The following XKR8 variants were observed in gnomAD, a reference collection of about 807,000 sequenced individuals.
The protein encoded by XKR8 is XK-related protein 8.
In XKR8, 10 loss-of-function variants were observed where a neutral mutation model predicts 17.1. The observed-to-expected ratio is 0.59, with a 90% CI of 0.36 to 0.99. The LOEUF (loss-of-function observed/expected upper bound fraction) is 0.99. Among genes scored for constraint, XKR8 ranks in the 50% least tolerant of loss-of-function variants. The probability of loss-of-function intolerance (pLI) is 0.01; values close to 1 mark genes in which losing one functional copy is unlikely to be tolerated. For missense variants in XKR8, 411 were observed against 515.6 expected, an observed-to-expected ratio of 0.80 and a Z score of 1.96; for synonymous variants, 213 against 251.9, an observed-to-expected ratio of 0.85 and a Z score of 1.46.
intron 2 of XKR8, 109 bp downstream of exon 2, chr1:27,963,802 C>A: frequency 8.4e-7 from 1 of 1,185,990 alleles, no homozygotes; most frequent in Non-Finnish European, 1.2e-6. Context: ...AACAGGAGAA[C>A]AGGCTTTAGT....
intron 1 of XKR8, 117 bp from the exon 2 acceptor site, chr1:27,963,380 A>G (rs1571673728): frequency 7.9e-7 from 1 of 1,272,524 alleles, no homozygotes; most frequent in African/African-American, 1.5e-5. Context: ...CGAAGGCCCC[A>G]TAGCATGGAT....
At chr1:27,963,762 T>C (rs1234656331) in intron 2 of XKR8, 69 bp downstream of exon 2, 2 of 1,400,310 alleles carry the variant, frequency 1.4e-6, no homozygotes. Flanking sequence ...GTTGGAACTG[T>C]TTTTAGTCTT....
In XKR8 at chr1:27,967,059, C is replaced by T. The variant is rs530719978; in HGVS notation, c.1047C>T (p.Pro349=). 5.0e-6 allele frequency: 8 copies of T among 1,613,948 alleles called. No individual in the cohort carries two copies. In the East Asian group the frequency reaches 6.7e-5, roughly 13 times the overall value. ...TGCACCCTAGCTGCTGCTGGAAGCCCGACCCTGACCAGGTAGACGGGGCCC... is the reference window on the plus strand; with the variant it reads ...TGCACCCTAGCTGCTGCTGGAAGCCTGACCCTGACCAGGTAGACGGGGCCC... The part of the protein sequence containing the change: ...HWLHPSCCWK[P]DPDQVDGARS... The change falls in exon 3 of 3, where the codon CCC becomes CCT. Residue 349 remains proline, a synonymous_variant. Transcript: ENST00000373884. The surrounding 1 kb of genome is among the most constrained non-coding windows in gnomAD (Gnocchi z 4.3).
In XKR8 at chr1:27,960,247, C is replaced by CTG; in HGVS notation, c.179_180dup (p.Gln61CysfsTer142). 1 of 1,525,370 alleles carries CTG rather than the reference C, an allele frequency of 6.6e-7. No individual in the cohort carries two copies. Among genetic ancestry groups the CTG allele is most frequent in the Non-Finnish European group, 8.7e-7 (1 of 1,143,148 alleles). 94.5% of individuals were successfully genotyped at this position (1,525,370 alleles called of 1,614,324 possible). On this transcript the variant is annotated frameshift_variant, in exon 1 of 3. Transcript: ENST00000373884. LOFTEE classifies it high-confidence loss of function. This position sits in a 1 kb window ranked among gnomAD's most constrained non-coding sequence, Gnocchi z 5.9. ...GCTGCTGGGCCTGGCCTCCGTGGCG[C>CTG]TGCAGCTCTTCAGCTGGCTCTGGCT...
chr1:27,964,698 C>T (rs1638535115), intron 2 of XKR8, among the ~76,000 whole-genome samples: 1 of 152,100 alleles, frequency 6.6e-6, no homozygotes, highest in Admixed American at 6.6e-5. Context: ...ACAGGGCCCC[C>T]TAAGCATGGG....
At chr1:27,963,047 C>T (rs548027618) in intron 1 of XKR8, among the ~76,000 whole-genome samples, 4 of 151,566 alleles carry the variant, frequency 2.6e-5, no homozygotes, top group South Asian at 4.2e-4. Context: ...TTTTTTGAGA[C>T]GGAGTCTTGT....
At position 27,966,492 on chromosome 1, in the gene XKR8, AC is replaced by A. The variant is rs1377831319; in HGVS notation, c.491-10del. The A allele has an allele frequency of 6.2e-6, 10 of 1,602,578 alleles. No individual in the cohort carries two copies. The African/African-American group carries it at 1.4e-4, about 22-fold the overall frequency. The stretch of plus-strand genomic sequence containing the variant: ...GCCCCAGGACTCACTGTTCCCTCCT[AC>A]TCTTTGCAGGGGTTGGCATCTGCAC... On this transcript the variant is annotated splice_polypyrimidine_tract_variant and intron_variant, in intron 2 of 2. Coordinates refer to ENST00000373884, the MANE Select transcript of XKR8 (RefSeq NM_018053.4). The surrounding 1 kb of genome is among the most constrained non-coding windows in gnomAD (Gnocchi z 4.3).
Position 27,960,110 on chromosome 1 carries a change from T to G in XKR8, c.41T>G (p.Val14Gly). Reference sequence around the variant, plus strand: ...CGCGGCGCCCTCCTTCGGGACCTGGTCCTGGGCGTGCTGGGCACCGCCGCC... The same window carrying G: ...CGCGGCGCCCTCCTTCGGGACCTGGGCCTGGGCGTGCTGGGCACCGCCGCC... ...SSRGALLRDLVLGVLGTAAFL... is the reference protein window; with the variant it reads ...SSRGALLRDLGLGVLGTAAFL... Residue 14 changes from valine (V) to glycine (G), a missense_variant, in exon 1 of 3, where the codon GTC (valine) becomes GGC (glycine). By Grantham distance (109) the Val-to-Gly change is moderately radical. Transcript: ENST00000373884. This position sits in a 1 kb window ranked among gnomAD's most constrained non-coding sequence, Gnocchi z 5.9. 1 of 1,512,280 alleles carries G rather than the reference T, an allele frequency of 6.6e-7. No homozygotes were observed. The allele number at this position is 1,512,280 out of a possible 1,614,324, so 93.7% of individuals were successfully genotyped here.
chr1:27,966,681 C>T lies in XKR8; in HGVS notation c.669C>T (p.Ala223=). ...TCCTGGCTGTGGCCCTGTTCTCAGCCCTCTTCCCCAGCTATGTGGCCCTGC... is the reference window on the plus strand; with the variant it reads ...TCCTGGCTGTGGCCCTGTTCTCAGCTCTCTTCCCCAGCTATGTGGCCCTGC... ...PRVLAVALFS[A]LFPSYVALHF... The change falls in exon 3 of 3, where the codon GCC becomes GCT. Residue 223 remains alanine, a synonymous_variant. Transcript: ENST00000373884. The surrounding 1 kb of genome is among the most constrained non-coding windows in gnomAD (Gnocchi z 4.3). 4 of 1,614,134 alleles carry T rather than the reference C, an allele frequency of 2.5e-6. No individual in the cohort carries two copies. The highest frequency in any genetic ancestry group is 3.4e-6 in the Non-Finnish European group (4 of 1,180,022).
In XKR8 at chr1:27,966,562, G is replaced by C; in HGVS notation, c.550G>C (p.Ala184Pro). Residue 184 changes from alanine to proline, a missense_variant, in exon 3 of 3, where the codon GCC becomes CCC. Transcript: ENST00000373884. This position sits in a 1 kb window ranked among gnomAD's most constrained non-coding sequence, Gnocchi z 4.3. Reference protein sequence around the residue: ...ISWALLDYHRALRTCLPSKPL... With the variant: ...ISWALLDYHRPLRTCLPSKPL... The stretch of plus-strand genomic sequence containing the variant: ...GTGGGCACTGCTCGACTACCACCGG[G>C]CCTTGCGCACCTGCCTCCCCTCCAA... 6.2e-7 allele frequency: 1 copy of C among 1,614,028 alleles called. No homozygotes were observed. Among genetic ancestry groups the C allele is most frequent in the South Asian group, 1.1e-5 (1 of 91,068 alleles).
chr1:27,962,404 T>A (rs1638484588), intron 1 of XKR8, among the ~76,000 whole-genome samples: 1 of 151,984 alleles, frequency 6.6e-6, no homozygotes, highest in Admixed American at 6.6e-5. Flanking sequence ...CAAAAGCTCA[T>A]CTCTACAAAA....
At chr1:27,963,386 T>G in intron 1 of XKR8, 111 bp from the exon 2 acceptor site, 2 of 1,305,624 alleles carry the variant, frequency 1.5e-6, no homozygotes, top group Non-Finnish European at 2.1e-6. Context: ...CCCCATAGCA[T>G]GGATGTGAGG....
chr1:27,962,463 C>T (rs1303465177), intron 1 of XKR8, among the ~76,000 whole-genome samples: 1 of 152,094 alleles, frequency 6.6e-6, no homozygotes, highest in Non-Finnish European at 1.5e-5. Context: ...ATCCCAGCTA[C>T]TCTGGAGGCC....
At position 27,966,821 on chromosome 1, in the gene XKR8, A is replaced by C; in HGVS notation, c.809A>C (p.Tyr270Ser). The change falls in exon 3 of 3, where the codon TAT (tyrosine) becomes TCT (serine). Residue 270 changes from tyrosine (Y) to serine (S), a missense_variant. Coordinates refer to ENST00000373884, the MANE Select transcript of XKR8 (RefSeq NM_018053.4). This position sits in a 1 kb window ranked among gnomAD's most constrained non-coding sequence, Gnocchi z 4.3. The part of the protein sequence containing the change: ...LYRVTVATIL[Y>S]FSWFNVAEGR... ...CGGGTGACGGTGGCCACCATCCTCT[A>C]TTTCTCCTGGTTCAACGTGGCTGAG... The C allele has an allele frequency of 6.2e-7, 1 of 1,613,264 alleles. No individual in the cohort carries two copies. The highest frequency in any genetic ancestry group is 8.5e-7 in the Non-Finnish European group (1 of 1,179,808).
chr1:27,964,906 C>T (rs994042224), intron 2 of XKR8, among the ~76,000 whole-genome samples: 4 of 152,204 alleles, frequency 2.6e-5, no homozygotes, highest in African/African-American at 9.7e-5. Flanking sequence ...CCTCACTCTA[C>T]CGTCACTCGC....
Position 27,967,521 on chromosome 1 carries a change from T to G in XKR8, c.*321T>G. The G allele has an allele frequency of 1.0e-5, 2 of 199,790 alleles. No individual in the cohort carries two copies. Among genetic ancestry groups the G allele is most frequent in the Non-Finnish European group, 1.0e-5 (1 of 98,148 alleles). 12.4% of individuals were successfully genotyped at this position (199,790 alleles called of 1,614,324 possible). A position where few individuals can be genotyped will look rare whatever the true frequency, so the allele number is the denominator to read the frequency against. On this transcript the variant is annotated 3_prime_UTR_variant, in exon 3 of 3. Coordinates refer to ENST00000373884, the MANE Select transcript of XKR8 (RefSeq NM_018053.4). This position sits in a 1 kb window ranked among gnomAD's most constrained non-coding sequence, Gnocchi z 4.3. ...ATTGGTATAGCTGGTGCCCCAAAAC[T>G]TCCACCTCCCTCCCTGGCTACCTCT... is the stretch of plus-strand genomic sequence containing the variant.
At position 27,967,517 on chromosome 1, in the gene XKR8, A is replaced by T. The variant is rs577118924; in HGVS notation, c.*317A>T. On this transcript the variant is annotated 3_prime_UTR_variant, in exon 3 of 3. Transcript: ENST00000373884. This position sits in a 1 kb window ranked among gnomAD's most constrained non-coding sequence, Gnocchi z 4.3. Reference sequence around the variant, plus strand: ...TGCCATTGGTATAGCTGGTGCCCCAAAACTTCCACCTCCCTCCCTGGCTAC... The same window carrying T: ...TGCCATTGGTATAGCTGGTGCCCCATAACTTCCACCTCCCTCCCTGGCTAC... The T allele has an allele frequency of 9.8e-6, 2 of 204,356 alleles. No homozygotes were observed. Among genetic ancestry groups the T allele is most frequent in the Non-Finnish European group, 2.0e-5 (2 of 101,036 alleles). 12.7% of individuals were successfully genotyped at this position (204,356 alleles called of 1,614,324 possible).
rs1236988431 is a variant in XKR8, at chr1:27,966,618, C to T, written c.606C>T (p.Ile202=). ...TCCTGGGCCTGGGCTCCTCCGTGATCTACTTCCTGTGGAACCTGCTGCTGC... is the reference window on the plus strand; with the variant it reads ...TCCTGGGCCTGGGCTCCTCCGTGATTTACTTCCTGTGGAACCTGCTGCTGC... ...KPLLGLGSSV[I]YFLWNLLLLW... Residue 202 remains isoleucine, a synonymous_variant, in exon 3 of 3, where the codon ATC becomes ATT. Transcript: ENST00000373884. The surrounding 1 kb of genome is among the most constrained non-coding windows in gnomAD (Gnocchi z 4.3). The T allele has an allele frequency of 1.2e-6, 2 of 1,614,136 alleles. No homozygotes were observed. The highest frequency in any genetic ancestry group is 1.7e-5 in the Admixed American group (1 of 60,024).
rs532021730 is a variant in XKR8 at position 27,967,261 on chromosome 1, T to C, written c.*61T>C. On this transcript the variant is annotated 3_prime_UTR_variant, in exon 3 of 3. Coordinates refer to ENST00000373884, the MANE Select transcript of XKR8 (RefSeq NM_018053.4). The surrounding 1 kb of genome is among the most constrained non-coding windows in gnomAD (Gnocchi z 4.3). ...CCAGCAGAGATGGAGAGTGACTCTG[T>C]TGGCAGAAGGCAGGCGAGGATAAGC... The C allele has an allele frequency of 3.2e-5, 48 of 1,496,262 alleles. 1 individual carries two copies. In the African/African-American group the frequency reaches 4.3e-4, roughly 14 times the overall value. 92.7% of individuals were successfully genotyped at this position (1,496,262 alleles called of 1,614,324 possible).
Sources: gnomAD v4.1 joint callset for allele counts (sites outside exome capture counted in the v4.1 genomes callset) on GRCh38, gnomAD v4.1.1 for gene constraint, Gnocchi (gnomAD v3.1) non-coding constraint, MANE v1.5 for transcripts, NCBI Gene and HGNC (gene_info 2026-07-23, HGNC 2026-07-21) for gene names.